The following DEPDC5 variants were observed in gnomAD, a reference collection of about 807,000 sequenced individuals.
DEPDC5 encodes the protein DEP domain containing 5, GATOR1 subcomplex subunit.
A neutral mutation model predicts 217.3 loss-of-function variants in DEPDC5; 73 were observed. That is an observed-to-expected ratio of 0.34 (90% confidence interval 0.28 to 0.41). DEPDC5 has a LOEUF of 0.41. Among genes scored for constraint, DEPDC5 ranks in the 10% least tolerant of loss-of-function variants. The probability of loss-of-function intolerance (pLI) is 1.00; values close to 1 mark genes in which losing one functional copy is unlikely to be tolerated. For synonymous variants in DEPDC5, 733 were observed against 756.7 expected (o/e 0.97, Z 0.51); for missense variants, 1,675 against 2,070.1 (o/e 0.81, Z 3.70).
Position 31,821,589 on chromosome 22 carries a change from A to T in DEPDC5, c.1958A>T (p.His653Leu), listed in dbSNP as rs1171729174. 6.2e-7 allele frequency: 1 copy of T among 1,613,952 alleles called. No homozygotes were observed. ...LQGSGQRDPTHSSAELLELAY... is the reference protein window; with the variant it reads ...LQGSGQRDPTLSSAELLELAY... ...GGCAGCGGGCAGAGGGATCCAACTCACTCCTCTGCAGAGCTGCTGGAGTTA... is the reference window on the plus strand; with the variant it reads ...GGCAGCGGGCAGAGGGATCCAACTCTCTCCTCTGCAGAGCTGCTGGAGTTA... Residue 653 changes from histidine (H) to leucine (L), a missense_variant, in exon 23 of 43, where the codon CAC becomes CTC. His to Leu is a moderately conservative substitution (Grantham distance 99). Transcript: ENST00000651528.
chr22:31,792,605 C>CAA (rs61603320), intron 11 of DEPDC5, 140 bp from the exon 12 acceptor site: 1,668 of 153,800 alleles, frequency 0.011, no homozygotes, highest in South Asian at 0.019. Flanking sequence ...GACCTTGTCT[C>CAA]AAAAAAAAAA....
chr22:31,822,839 C>T lies in DEPDC5; in HGVS notation c.2104+49C>T, dbSNP rs1407654837. ...AGTTGGGATGTTTAGATCAGGCTCACATCTGGAAATGACACAAGGGCCAGA... is the reference window on the plus strand; with the variant it reads ...AGTTGGGATGTTTAGATCAGGCTCATATCTGGAAATGACACAAGGGCCAGA... On this transcript the variant is annotated intron_variant, in intron 24 of 42. Transcript: ENST00000651528. The T allele has an allele frequency of 3.2e-6, 5 of 1,573,870 alleles. No homozygotes were observed. In the South Asian group the frequency reaches 3.4e-5, roughly 11 times the overall value.
chr22:31,809,131 G>GC (rs1602041083), intron 18 of DEPDC5, among the ~76,000 whole-genome samples: 1 of 151,948 alleles, frequency 6.6e-6, no homozygotes, highest in East Asian at 1.9e-4. Flanking sequence ...AGCTCTATTA[G>GC]TTTTTTTTCC....
intron 7 of DEPDC5, among the ~76,000 whole-genome samples, chr22:31,777,303 C>T (rs1238344232): frequency 3.3e-5 from 5 of 151,800 alleles, no homozygotes; most frequent in African/African-American, 4.8e-5. Flanking sequence ...CTCTGTCGCC[C>T]AGGCTGGAGT....
intron 38 of DEPDC5, among the ~76,000 whole-genome samples, chr22:31,881,334 G>T (rs1464032303): frequency 1.3e-5 from 2 of 151,698 alleles, no homozygotes; most frequent in Non-Finnish European, 2.9e-5. Context: ...GATTCACTTG[G>T]ATCTGGGTGT....
At chr22:31,842,021 C>A (rs774580234) in intron 27 of DEPDC5, among the ~76,000 whole-genome samples, 3 of 152,162 alleles carry the variant, frequency 2.0e-5, no homozygotes, top group African/African-American at 7.2e-5. Context: ...CTCTTTCCTG[C>A]GTTCAGTTCA....
rs370354652 is a variant in DEPDC5, at chr22:31,829,456, C to T, written c.2105-4459C>T. On this transcript the variant is annotated intron_variant, in intron 24 of 42. Transcript: ENST00000651528. ...CTGAGGCAGGAGAATCGCTTGAACC[C>T]GGGAGGTGGAGGTTGCAGTGAGCCA... Among the ~76,000 whole-genome samples the T allele has an allele frequency of 5.9e-5, 9 of 151,990 alleles. No individual in the cohort carries two copies. In the South Asian group the frequency reaches 6.2e-4, roughly 11 times the overall value.
chr22:31,863,494 T>C (rs908683645), intron 33 of DEPDC5, among the ~76,000 whole-genome samples: 1 of 152,078 alleles, frequency 6.6e-6, no homozygotes, highest in Non-Finnish European at 1.5e-5. Context: ...AGGAGACTGT[T>C]ATGGAAAGTT....
chr22:31,836,755 A>G (rs1431365566), intron 25 of DEPDC5: 1 of 513,962 alleles, frequency 1.9e-6, no homozygotes, highest in Non-Finnish European at 3.4e-6. Flanking sequence ...CATTTGCATG[A>G]TGGGATTGGA....
Position 31,771,758 on chromosome 22 carries a change from CA to C in DEPDC5, c.413+2896del, listed in dbSNP as rs2083385453. Among the ~76,000 whole-genome samples the C allele has an allele frequency of 3.7e-5, 5 of 135,412 alleles. No homozygotes were observed. The South Asian group carries it at 1.4e-3, about 38-fold the overall frequency. 88.8% of individuals were successfully genotyped at this position (135,412 alleles called of 152,430 possible). ...ACACACACACACACACACACACACACACACACACACACACACACACACAGTT... is the reference window on the plus strand; with the variant it reads ...ACACACACACACACACACACACACACCACACACACACACACACACACAGTT... On this transcript the variant is annotated intron_variant, in intron 7 of 42. Coordinates refer to ENST00000651528, the MANE Select transcript of DEPDC5 (RefSeq NM_001242896.3).
At chr22:31,864,646 G>A (rs889493514) in intron 33 of DEPDC5, among the ~76,000 whole-genome samples, 4 of 151,440 alleles carry the variant, frequency 2.6e-5, no homozygotes, top group Non-Finnish European at 5.9e-5. Flanking sequence ...CATGCGTGGT[G>A]GCTCAAGCCT....
At chr22:31,835,486 A>G (rs188754544) in intron 25 of DEPDC5, among the ~76,000 whole-genome samples, 6 of 152,310 alleles carry the variant, frequency 3.9e-5, no homozygotes, top group African/African-American at 1.4e-4. Context: ...CGAACTAAGC[A>G]TTTGAACAGT....
chr22:31,763,520 C>T (rs2082574519), intron 4 of DEPDC5, among the ~76,000 whole-genome samples: 1 of 151,422 alleles, frequency 6.6e-6, no homozygotes, highest in African/African-American at 2.4e-5. Context: ...TCACTGCAGC[C>T]TCAACCTCCC....
intron 33 of DEPDC5, among the ~76,000 whole-genome samples, chr22:31,866,206 G>T (rs1955693780): frequency 6.6e-6 from 1 of 152,058 alleles, no homozygotes; most frequent in Non-Finnish European, 1.5e-5. Flanking sequence ...AGAAAGTGGG[G>T]GGAAATTGGG....
chr22:31,794,572 T>C (rs2086030952), intron 12 of DEPDC5, among the ~76,000 whole-genome samples: 1 of 152,090 alleles, frequency 6.6e-6, no homozygotes, highest in Non-Finnish European at 1.5e-5. Context: ...GCAAAAACAA[T>C]ACAGGTTCAT....
At chr22:31,886,288 G>T (rs1484805930) in intron 38 of DEPDC5, among the ~76,000 whole-genome samples, 1 of 152,162 alleles carries the variant, frequency 6.6e-6, no homozygotes, top group Non-Finnish European at 1.5e-5. Flanking sequence ...CTTCAAAAGT[G>T]CTGGGACTAA....
At chr22:31,789,929 G>A (rs1358649633) in intron 10 of DEPDC5, among the ~76,000 whole-genome samples, 1 of 152,058 alleles carries the variant, frequency 6.6e-6, no homozygotes, top group African/African-American at 2.4e-5. Context: ...GGTCTCCAAG[G>A]ATTAGTCTCT....
intron 11 of DEPDC5, 128 bp from the exon 12 acceptor site, chr22:31,792,605 CAAAAAAAAAAAA>C (rs61603320): frequency 6.5e-5 from 10 of 154,164 alleles, no homozygotes; most frequent in African/African-American, 1.8e-4. Context: ...GACCTTGTCT[CAAAAAAAAAAAA>C]AAAAAAAAAA....
intron 25 of DEPDC5, chr22:31,834,257 G>T (rs957465518): frequency 4.6e-6 from 2 of 434,476 alleles, no homozygotes; most frequent in South Asian, 3.3e-5. Context: ...TCCAGAGCTG[G>T]CCTTCACCCT....
Sources: gnomAD v4.1 joint callset for allele counts (sites outside exome capture counted in the v4.1 genomes callset) on GRCh38, gnomAD v4.1.1 for gene constraint, MANE v1.5 for transcripts, NCBI Gene and HGNC (gene_info 2026-07-23, HGNC 2026-07-21) for gene names.